Variants in TAFA2 observed in about 807,000 individuals in gnomAD.
The protein encoded by TAFA2 is chemokine-like protein TAFA-2.
TAFA2 carries 7 observed loss-of-function variants against 18.8 expected under a neutral mutation model. That is an observed-to-expected ratio of 0.37 (90% CI 0.21 to 0.70). The LOEUF is 0.70. TAFA2 is among the 30% of genes least tolerant of loss of function. The probability of loss-of-function intolerance (pLI) is 0.53; values close to 1 mark genes in which losing one functional copy is unlikely to be tolerated. For synonymous variants in TAFA2, 60 were observed against 54.2 expected, an observed-to-expected ratio of 1.11 and a Z score of -0.47; for missense variants, 122 against 158.1, an observed-to-expected ratio of 0.77 and a Z score of 1.23.
At position 62,192,104 on chromosome 12, in the gene TAFA2, G is replaced by A. The variant is rs1354812686; in HGVS notation, c.-847C>T. 6.6e-6 allele frequency: 1 copy of A among 152,594 alleles called. No individual in the cohort carries two copies. The highest frequency in any genetic ancestry group is 2.4e-5 in the African/African-American group (1 of 41,434). The allele number at this position is 152,594 out of a possible 1,614,324, so 9.5% of individuals were successfully genotyped here. ...CCCCTGTTCCCACTGCTCGCAGATA[G>A]GTCCCCGCTGGTGCCCTCGCGGAGA... On this transcript the variant is annotated 5_prime_UTR_variant, in exon 1 of 5. Coordinates refer to ENST00000416284, the MANE Select transcript of TAFA2 (RefSeq NM_178539.5).
At chr12:62,167,055 A>G (rs2062445319) in intron 1 of TAFA2, among the ~76,000 whole-genome samples, 1 of 152,188 alleles carries the variant, frequency 6.6e-6, no homozygotes, top group Non-Finnish European at 1.5e-5. Flanking sequence ...ATGATCTCCG[A>G]AAACACTAAG....
At chr12:61,960,602 G>A (rs1400979069) in intron 1 of TAFA2, among the ~76,000 whole-genome samples, 2 of 151,748 alleles carry the variant, frequency 1.3e-5, no homozygotes, top group African/African-American at 4.8e-5. Context: ...TTAGTCCTTC[G>A]GTTTCCCATC....
intron 4 of TAFA2, among the ~76,000 whole-genome samples, chr12:61,739,238 T>C (rs1868359628): frequency 6.6e-6 from 1 of 151,966 alleles, no homozygotes; most frequent in South Asian, 2.1e-4. Flanking sequence ...CATTATGCCA[T>C]CCTTGAAGGC....
intron 2 of TAFA2, among the ~76,000 whole-genome samples, chr12:61,778,144 T>C (rs1870350140): frequency 6.6e-6 from 1 of 151,834 alleles, no homozygotes; most frequent in Admixed American, 6.6e-5. Flanking sequence ...GTTCTAAGGA[T>C]GAAATGAGAT....
At chr12:62,071,335 A>C (rs931196945) in intron 1 of TAFA2, among the ~76,000 whole-genome samples, 1 of 152,190 alleles carries the variant, frequency 6.6e-6, no homozygotes, top group Non-Finnish European at 1.5e-5. Flanking sequence ...AAAGGATCAC[A>C]AAATAAGCTC....
intron 1 of TAFA2, among the ~76,000 whole-genome samples, chr12:62,009,804 T>C (rs1592546262): frequency 1.3e-5 from 2 of 152,218 alleles, no homozygotes; most frequent in East Asian, 3.9e-4. Flanking sequence ...TATGAACTCC[T>C]AGTCCATGTT....
intron 2 of TAFA2, among the ~76,000 whole-genome samples, chr12:61,760,307 T>C (rs886921726): frequency 8.8e-5 from 13 of 147,098 alleles, no homozygotes; most frequent in Non-Finnish European, 1.6e-4. Context: ...AGATGATAGA[T>C]AGATAATCTT....
intron 2 of TAFA2, among the ~76,000 whole-genome samples, chr12:61,831,752 C>G (rs1234470780): frequency 6.6e-6 from 1 of 151,902 alleles, no homozygotes; most frequent in Non-Finnish European, 1.5e-5. Flanking sequence ...GCACAACGTG[C>G]AGGTTTGTTA....
chr12:62,002,035 C>T (rs1481608425), intron 1 of TAFA2, among the ~76,000 whole-genome samples: 1 of 152,118 alleles, frequency 6.6e-6, no homozygotes, highest in Non-Finnish European at 1.5e-5. Context: ...CATCCTATGC[C>T]TCTCTCTTCT....
intron 2 of TAFA2, among the ~76,000 whole-genome samples, chr12:61,865,979 C>T (rs190432211): frequency 6.7e-4 from 102 of 152,236 alleles, no homozygotes; most frequent in African/African-American, 2.0e-3. Context: ...AATACTACTT[C>T]GTTCTTTGGT....
chr12:61,721,472 G>T (rs959887348), intron 4 of TAFA2, among the ~76,000 whole-genome samples: 13 of 152,078 alleles, frequency 8.5e-5, no homozygotes, highest in African/African-American at 3.1e-4. Context: ...CACTTTAAGG[G>T]TGATAAATGG....
chr12:61,795,100 G>A (rs992604720), intron 2 of TAFA2, among the ~76,000 whole-genome samples: 3 of 152,106 alleles, frequency 2.0e-5, no homozygotes, highest in African/African-American at 7.2e-5. Flanking sequence ...GAGAGGATGT[G>A]GAGAAATAGG....
At chr12:62,020,291 C>A (rs1024390287) in intron 1 of TAFA2, among the ~76,000 whole-genome samples, 10 of 152,186 alleles carry the variant, frequency 6.6e-5, no homozygotes, top group Non-Finnish European at 1.3e-4. Flanking sequence ...CAATGCCCCA[C>A]AGAAACACAG....
intron 2 of TAFA2, among the ~76,000 whole-genome samples, chr12:61,862,754 T>C (rs1874179515): frequency 6.6e-6 from 1 of 152,166 alleles, no homozygotes; most frequent in South Asian, 2.1e-4. Context: ...GGAGCATCCT[T>C]TCCCTGAATA....
At chr12:62,128,021 C>T (rs530849566) in intron 1 of TAFA2, among the ~76,000 whole-genome samples, 2 of 151,316 alleles carry the variant, frequency 1.3e-5, no homozygotes, top group East Asian at 3.9e-4. Flanking sequence ...ACAATCAAGG[C>T]AAGAAAAAAA....
chr12:62,116,675 G>A (rs1164409763), intron 1 of TAFA2, among the ~76,000 whole-genome samples: 1 of 152,082 alleles, frequency 6.6e-6, no homozygotes, highest in Non-Finnish European at 1.5e-5. Flanking sequence ...AGGCTTTACT[G>A]TTGTGTCCCA....
chr12:61,853,870 T>C (rs1213538359), intron 2 of TAFA2, among the ~76,000 whole-genome samples: 1 of 152,202 alleles, frequency 6.6e-6, no homozygotes, highest in Non-Finnish European at 1.5e-5. Context: ...AGCTACAGAA[T>C]GCTGAACTTG....
At chr12:61,736,887 C>T (rs1409368481) in intron 4 of TAFA2, among the ~76,000 whole-genome samples, 1 of 151,950 alleles carries the variant, frequency 6.6e-6, no homozygotes, top group Non-Finnish European at 1.5e-5. Flanking sequence ...CTGAAATCCA[C>T]TAAATCACAT....
intron 4 of TAFA2, among the ~76,000 whole-genome samples, chr12:61,745,576 G>C (rs1447139790): frequency 6.6e-6 from 1 of 151,854 alleles, no homozygotes; most frequent in Non-Finnish European, 1.5e-5. Context: ...TCTTCCCATG[G>C]CATCTATCAA....
Sources: gnomAD v4.1 joint callset for allele counts (sites outside exome capture counted in the v4.1 genomes callset) on GRCh38, gnomAD v4.1.1 for gene constraint, MANE v1.5 for transcripts, NCBI Gene and HGNC (gene_info 2026-07-23, HGNC 2026-07-21) for gene names.